The following RMDN2 variants were observed in gnomAD, a reference collection of about 807,000 sequenced individuals.
RMDN2 encodes the protein regulator of microtubule dynamics protein 2.
RMDN2 carries 61 observed loss-of-function variants against 52.8 expected under a neutral mutation model. The ratio of observed to expected loss-of-function variants is 1.16; its 90% confidence interval spans 0.94 to 1.43. The LOEUF (loss-of-function observed/expected upper bound fraction) is 1.43, where lower values mean the gene tolerates loss of function less well. RMDN2 is among the 40% of genes most tolerant of loss of function. The pLI is 0.00. For synonymous variants in RMDN2, 180 were observed against 153.1 expected, an observed-to-expected ratio of 1.18 and a Z score of -1.30; for missense variants, 592 against 475.3, an observed-to-expected ratio of 1.25 and a Z score of -2.28.
At chr2:37,945,265 A>G (rs552556714) in intron 2 of RMDN2, among the ~76,000 whole-genome samples, 140 of 152,356 alleles carry the variant, frequency 9.2e-4, no homozygotes, top group Non-Finnish European at 1.7e-3. Context: ...GGAAGAACAC[A>G]TTTGCAGATT....
chr2:38,003,985 A>C lies in RMDN2; in HGVS notation c.1045-6A>C. 1 of 1,609,328 alleles carries C rather than the reference A, an allele frequency of 6.2e-7. No homozygotes were observed. The highest frequency in any genetic ancestry group is 8.5e-7 in the Non-Finnish European group (1 of 1,175,890). ...GTTATTCTCTCATGTTTTTCTCTCA[A>C]ATCAGGCTGAAGAACTATGCCCTGG... On this transcript the variant is annotated splice_region_variant and splice_polypyrimidine_tract_variant and intron_variant, in intron 8 of 10. Transcript: ENST00000354545.
intron 2 of RMDN2, 143 bp downstream of exon 2, chr2:37,929,872 A>G (rs1449652524): frequency 8.1e-6 from 5 of 618,864 alleles, no homozygotes; most frequent in Non-Finnish European, 1.4e-5. Flanking sequence ...TTAGATTATA[A>G]TTAAAGTCAT....
chr2:37,949,025 T>A (rs1257776834), intron 2 of RMDN2, among the ~76,000 whole-genome samples: 1 of 152,198 alleles, frequency 6.6e-6, no homozygotes, highest in Non-Finnish European at 1.5e-5. Context: ...TTATAAGCAT[T>A]ACGTATTATG....
chr2:37,950,499 C>G (rs755053037), intron 2 of RMDN2: 1 of 1,612,488 alleles, frequency 6.2e-7, no homozygotes, highest in South Asian at 1.1e-5. Flanking sequence ...CTGACCTGTT[C>G]CACCTCTACA....
intron 2 of RMDN2, among the ~76,000 whole-genome samples, chr2:37,963,668 A>G (rs552082632): frequency 1.9e-3 from 293 of 152,366 alleles, no homozygotes; most frequent in African/African-American, 6.5e-3. Flanking sequence ...CCAAGGCAGA[A>G]GAATCTTTCT....
At chr2:37,988,468 TC>T (rs1229661656) in intron 5 of RMDN2, among the ~76,000 whole-genome samples, 1 of 152,178 alleles carries the variant, frequency 6.6e-6, no homozygotes, top group Non-Finnish European at 1.5e-5. Context: ...AAAACAGAGA[TC>T]AAAAAGGTCA....
At chr2:37,948,336 A>T (rs1223475880) in intron 2 of RMDN2, among the ~76,000 whole-genome samples, 1 of 152,142 alleles carries the variant, frequency 6.6e-6, no homozygotes, top group African/African-American at 2.4e-5. Context: ...TGTTGTAATG[A>T]GTGGTAATTA....
Position 37,974,028 on chromosome 2 carries a change from C to A in RMDN2, c.453-12C>A. 2.5e-6 allele frequency: 4 copies of A among 1,595,086 alleles called. No individual in the cohort carries two copies. Among genetic ancestry groups the A allele is most frequent in the Non-Finnish European group, 2.6e-6 (3 of 1,170,908 alleles). ...CTTTCAAAGGAGTTGATGATTATTT[C>A]TGCGATTTTAGGTATATTACAGCTA... On this transcript the variant is annotated splice_polypyrimidine_tract_variant and intron_variant, in intron 2 of 10. Coordinates refer to ENST00000354545, the MANE Select transcript of RMDN2 (RefSeq NM_001170791.3).
At chr2:38,022,295 T>C (rs138710074), downstream of RMDN2, among the ~76,000 whole-genome samples, 2 of 152,246 alleles carry the variant, frequency 1.3e-5, no homozygotes, top group African/African-American at 4.8e-5. Context: ...TAGAACATTA[T>C]GCCTACTCCA....
intron 1 of RMDN2, among the ~76,000 whole-genome samples, chr2:37,926,655 C>T (rs980195609): frequency 1.3e-5 from 2 of 152,162 alleles, no homozygotes; most frequent in Non-Finnish European, 2.9e-5. Flanking sequence ...TGAAAGCTAA[C>T]AAGGCTGGAG....
chr2:37,970,332 G>A (rs774779260), intron 2 of RMDN2, among the ~76,000 whole-genome samples: 1 of 152,126 alleles, frequency 6.6e-6, no homozygotes, highest in East Asian at 1.9e-4. Flanking sequence ...GGTCTCATCT[G>A]TTGCGCCAGA....
chr2:37,982,525 T>G (rs1673460340), intron 5 of RMDN2, among the ~76,000 whole-genome samples: 2 of 152,102 alleles, frequency 1.3e-5, no homozygotes, highest in African/African-American at 4.8e-5. Flanking sequence ...TCTTCCTCCC[T>G]CTGGTGAATT....
chr2:37,985,504 C>T (rs1378074544), intron 5 of RMDN2, among the ~76,000 whole-genome samples: 1 of 152,052 alleles, frequency 6.6e-6, no homozygotes, highest in Non-Finnish European at 1.5e-5. Flanking sequence ...GAAATGTGGT[C>T]AAGCTTTGAG....
chr2:37,957,650 T>C (rs748995131), intron 2 of RMDN2, among the ~76,000 whole-genome samples: 1 of 152,238 alleles, frequency 6.6e-6, no homozygotes, highest in Non-Finnish European at 1.5e-5. Context: ...GTAGTTTAAT[T>C]AGATCCAATT....
intron 2 of RMDN2, among the ~76,000 whole-genome samples, chr2:37,938,458 T>C (rs1667499862): frequency 6.6e-6 from 1 of 152,208 alleles, no homozygotes; most frequent in African/African-American, 2.4e-5. Context: ...TGGAATAGTT[T>C]CAGAAGGAAT....
intron 7 of RMDN2, among the ~76,000 whole-genome samples, chr2:37,991,954 C>G (rs952808172): frequency 1.3e-5 from 2 of 152,072 alleles, no homozygotes; most frequent in African/African-American, 4.8e-5. Context: ...AAGGACAATG[C>G]CATTTTTGAA....
chr2:38,006,109 T>C (rs1049054245), intron 10 of RMDN2, among the ~76,000 whole-genome samples: 8 of 152,222 alleles, frequency 5.3e-5, no homozygotes, highest in Non-Finnish European at 1.0e-4. Flanking sequence ...ACTGTAGCCT[T>C]GTAGTATAGT....
chr2:37,933,083 C>T (rs1263296818), intron 2 of RMDN2, among the ~76,000 whole-genome samples: 1 of 151,772 alleles, frequency 6.6e-6, no homozygotes, highest in Non-Finnish European at 1.5e-5. Context: ...GGCAGAGGGT[C>T]TCCTCACTTC....
intron 10 of RMDN2, among the ~76,000 whole-genome samples, chr2:38,025,333 C>T (rs1400266547): frequency 2.6e-5 from 4 of 152,064 alleles, no homozygotes; most frequent in African/African-American, 2.4e-5. Context: ...ACTGATCTTG[C>T]ATCCTGCAGC....
Sources: gnomAD v4.1 joint callset for allele counts (sites outside exome capture counted in the v4.1 genomes callset) on GRCh38, gnomAD v4.1.1 for gene constraint, MANE v1.5 for transcripts, NCBI Gene and HGNC (gene_info 2026-07-23, HGNC 2026-07-21) for gene names.